OR14I1: variants seen among roughly 807,000 people sequenced by gnomAD.
OR14I1 encodes olfactory receptor family 14 subfamily I member 1.
For synonymous variants in OR14I1, 118 were observed against 71.1 expected (o/e 1.66, Z -3.32); for missense variants, 279 against 181.8 (o/e 1.53, Z -3.07).
At chr1:248,690,655 A>G in the OR14I1 span, among the ~76,000 whole-genome samples, 1 of 149,552 alleles carries the variant, frequency 6.7e-6, no homozygotes, top group Non-Finnish European at 1.5e-5. Context: ...CAGAGGTACA[A>G]AGACTAGCTG....
the OR14I1 span, among the ~76,000 whole-genome samples, chr1:248,696,806 T>C: frequency 6.6e-6 from 1 of 152,246 alleles, no homozygotes; most frequent in African/African-American, 2.4e-5. Flanking sequence ...TTTGTTTTTT[T>C]CTGCTTCCTC....
At chr1:248,689,275 T>G in the OR14I1 span, among the ~76,000 whole-genome samples, 1 of 152,202 alleles carries the variant, frequency 6.6e-6, no homozygotes. Context: ...AAAACACATG[T>G]TCTGGGTCCA....
chr1:248,684,732 CATT>C (rs1177079217), upstream of OR14I1, among the ~76,000 whole-genome samples: 1 of 138,088 alleles, frequency 7.2e-6, no homozygotes, highest in Non-Finnish European at 1.5e-5. Flanking sequence ...TTGTGCAGTG[CATT>C]ATTTATAAAT....
At chr1:248,687,029 A>C (rs1174298405), upstream of OR14I1, among the ~76,000 whole-genome samples, 2 of 152,192 alleles carry the variant, frequency 1.3e-5, no homozygotes, top group African/African-American at 4.8e-5. Flanking sequence ...TCTCAGGAGG[A>C]TGCTGCCTCC....
At chr1:248,689,894 C>A in the OR14I1 span, among the ~76,000 whole-genome samples, 1 of 152,276 alleles carries the variant, frequency 6.6e-6, no homozygotes, top group African/African-American at 2.4e-5. Flanking sequence ...GACCACAGTG[C>A]ACCAAATTAG....
At chr1:248,695,613 C>T in the OR14I1 span, among the ~76,000 whole-genome samples, 5 of 152,164 alleles carry the variant, frequency 3.3e-5, no homozygotes, top group East Asian at 9.7e-4. Context: ...CTGGTTAGCC[C>T]TGGATCTCTA....
chr1:248,686,513 T>TA (rs1179341750), upstream of OR14I1, among the ~76,000 whole-genome samples: 1 of 152,128 alleles, frequency 6.6e-6, no homozygotes, highest in African/African-American at 2.4e-5. Context: ...AGTCTCAAAC[T>TA]AAAAATAGAT....
upstream of OR14I1, among the ~76,000 whole-genome samples, chr1:248,682,569 T>A (rs1310093837): frequency 6.6e-6 from 1 of 152,206 alleles, no homozygotes; most frequent in Non-Finnish European, 1.5e-5. Context: ...TATATGGAAC[T>A]TCTCAATCTT....
chr1:248,696,956 G>C, the OR14I1 span: 2 of 152,132 alleles, frequency 1.3e-5, no homozygotes, highest in South Asian at 2.1e-4. Context: ...TAGTTCTAGC[G>C]GCTGTTCTAT....
At chr1:248,695,228 C>CTTTTTTTTTTTTTT in the OR14I1 span, among the ~76,000 whole-genome samples, 2 of 96,732 alleles carry the variant, frequency 2.1e-5, no homozygotes, top group Non-Finnish European at 3.9e-5. Context: ...TGAATGTATG[C>CTTTTTTTTTTTTTT]TTTTTTTTTT....
chr1:248,702,559 C>G, the OR14I1 span, among the ~76,000 whole-genome samples: 2 of 152,270 alleles, frequency 1.3e-5, no homozygotes, highest in East Asian at 1.9e-4. Flanking sequence ...CGATCCAAGC[C>G]TCATCTCTCA....
chr1:248,702,659 A>G, the OR14I1 span, among the ~76,000 whole-genome samples: 1 of 152,072 alleles, frequency 6.6e-6, no homozygotes, highest in South Asian at 2.1e-4. Context: ...GGTTCATGTC[A>G]TATGGTGTAC....
chr1:248,678,209 G>A (rs1183128910), downstream of OR14I1, among the ~76,000 whole-genome samples: 2 of 152,164 alleles, frequency 1.3e-5, no homozygotes, highest in East Asian at 3.8e-4. Flanking sequence ...AATAAGGCAG[G>A]AACATATAAA....
At chr1:248,696,417 A>G in the OR14I1 span, among the ~76,000 whole-genome samples, 4 of 152,134 alleles carry the variant, frequency 2.6e-5, no homozygotes, top group Non-Finnish European at 5.9e-5. Context: ...AGCCAAGCCC[A>G]GTCTTTGCCC....
chr1:248,681,874 A>T lies in OR14I1; in HGVS notation c.431T>A (p.Val144Asp), dbSNP rs1296944036. ...GGAAAAGCAGCTTAGCCAGGTGGTG[A>T]CTGCCATCTGATAGCACCCTCCTGA... The change falls in exon 1 of 1, where the codon GTC (valine) becomes GAC (aspartate). Residue 144 changes from valine to aspartate, a missense_variant. By Grantham distance (152) the Val-to-Asp change is radical. Coordinates refer to ENST00000342623, the Ensembl canonical transcript of OR14I1. 5 of 780,932 alleles carry T rather than the reference A, an allele frequency of 6.4e-6. No homozygotes were observed. In the African/African-American group the frequency reaches 8.5e-5, roughly 13 times the overall value. 48.4% of individuals were successfully genotyped at this position (780,932 alleles called of 1,614,324 possible).
In OR14I1 at chr1:248,682,273, AG is replaced by A; in HGVS notation, c.31del (p.Leu11CysfsTer2). On this transcript the variant is annotated frameshift_variant, in exon 1 of 1. Coordinates refer to ENST00000342623, the Ensembl canonical transcript of OR14I1. LOFTEE classifies it low-confidence loss of function (END_TRUNC). ...CCAGATACCAGAAAACTCCATCAGCAGGAATTCTGTCACTTTTGTGAGATTG... is the reference window on the plus strand; with the variant it reads ...CCAGATACCAGAAAACTCCATCAGCAGAATTCTGTCACTTTTGTGAGATTG... 1 of 756,892 alleles carries A rather than the reference AG, an allele frequency of 1.3e-6. No homozygotes were observed. Among genetic ancestry groups the A allele is most frequent in the Non-Finnish European group, 2.4e-6 (1 of 408,478 alleles). 46.9% of individuals were successfully genotyped at this position (756,892 alleles called of 1,614,324 possible). A position where few individuals can be genotyped will look rare whatever the true frequency, so the allele number is the denominator to read the frequency against.
At chr1:248,681,908 C>T (rs745926246) in exon 1 of OR14I1, 45 of 780,884 alleles carry the variant, frequency 5.8e-5, no homozygotes, top group South Asian at 4.7e-4. Context: ...GATGTCATCA[C>T]GGCTCTGTAT....
upstream of OR14I1, among the ~76,000 whole-genome samples, chr1:248,686,651 A>G (rs1029249938): frequency 3.3e-5 from 4 of 122,958 alleles, 1 homozygote; most frequent in East Asian, 1.0e-3. Flanking sequence ...TTAAGCAAAC[A>G]TGTCTTGATT....
chr1:248,683,230 C>T (rs1661593135), upstream of OR14I1, among the ~76,000 whole-genome samples: 1 of 152,144 alleles, frequency 6.6e-6, no homozygotes, highest in South Asian at 2.1e-4. Flanking sequence ...TAGAAAATAA[C>T]TTTGACTAAC....
Sources: gnomAD v4.1 joint callset for allele counts (sites outside exome capture counted in the v4.1 genomes callset) on GRCh38, gnomAD v4.1.1 for gene constraint, MANE v1.5 for transcripts, NCBI Gene and HGNC (gene_info 2026-07-23, HGNC 2026-07-21) for gene names.